The following COL7A1 variants were observed in gnomAD, a reference collection of about 807,000 sequenced individuals.
COL7A1 encodes the protein collagen type VII alpha 1 chain.
In COL7A1, 296 loss-of-function variants were observed where a neutral mutation model predicts 456.2. The ratio of observed to expected loss-of-function variants is 0.65; its 90% confidence interval spans 0.59 to 0.71. The LOEUF is 0.71. Among genes scored for constraint, COL7A1 ranks in the 30% least tolerant of loss-of-function variants. The pLI is 0.00. For synonymous variants in COL7A1, 1,464 were observed against 1,525.9 expected, an observed-to-expected ratio of 0.96 and a Z score of 0.95; for missense variants, 3,441 against 4,017.2, an observed-to-expected ratio of 0.86 and a Z score of 3.88.
chr3:48,575,528 G>A lies in COL7A1; in HGVS notation c.5991C>T (p.Gly1997=). The change falls in exon 74 of 119, where the codon GGC becomes GGT. Residue 1997 remains glycine (G), a synonymous_variant. Coordinates refer to ENST00000681320, the MANE Select transcript of COL7A1 (RefSeq NM_000094.4). The surrounding 1 kb of genome is among the most constrained non-coding windows in gnomAD (Gnocchi z 6.3). ...CCTTCAGCCCGCGTTCTCCAGGAAA[G>A]CCGATGGGGCCCTGCAGGAGTGGAA... ...QGPPGKEGPI[G]FPGERGLKGD... The A allele has an allele frequency of 6.2e-7, 1 of 1,612,810 alleles. No homozygotes were observed. Among genetic ancestry groups the A allele is most frequent in the Non-Finnish European group, 8.5e-7 (1 of 1,179,980 alleles).
At position 48,568,345 on chromosome 3, in the gene COL7A1, G is replaced by A. The variant is rs941708488; in HGVS notation, c.7794+154C>T. 2.1e-5 allele frequency: 22 copies of A among 1,037,378 alleles called. No homozygotes were observed. In the Middle Eastern group the frequency reaches 8.2e-4, roughly 39 times the overall value. The allele number at this position is 1,037,378 out of a possible 1,614,324, so 64.3% of individuals were successfully genotyped here. ...ATAGGCAGGGGACACCATCATAGGC[G>A]GCTACTGTGGAGGTGGGGGACCCTG... On this transcript the variant is annotated intron_variant, in intron 105 of 118. Transcript: ENST00000681320. The surrounding 1 kb of genome is among the most constrained non-coding windows in gnomAD (Gnocchi z 5.2).
rs1158285823 is a variant in COL7A1 at position 48,580,701 on chromosome 3, T to C, written c.4981-49A>G. On this transcript the variant is annotated intron_variant, in intron 54 of 118. Transcript: ENST00000681320. This position sits in a 1 kb window ranked among gnomAD's most constrained non-coding sequence, Gnocchi z 4.5. Reference sequence around the variant, plus strand: ...ACAGACCCTCCCAATATTTTGCAGGTGCCCCTATGACCCGCTACACTGCCC... The same window carrying C: ...ACAGACCCTCCCAATATTTTGCAGGCGCCCCTATGACCCGCTACACTGCCC... The C allele has an allele frequency of 1.2e-6, 2 of 1,603,690 alleles. No homozygotes were observed. Among genetic ancestry groups the C allele is most frequent in the Non-Finnish European group, 1.7e-6 (2 of 1,171,494 alleles).
At position 48,579,640 on chromosome 3, in the gene COL7A1, C is replaced by T; in HGVS notation, c.5183G>A (p.Gly1728Asp). 1 of 1,613,620 alleles carries T rather than the reference C, an allele frequency of 6.2e-7. No individual in the cohort carries two copies. The highest frequency in any genetic ancestry group is 8.5e-7 in the Non-Finnish European group (1 of 1,179,978). The change falls in exon 59 of 119, where the codon GGT (glycine) becomes GAT (aspartate). Residue 1728 changes from glycine (G) to aspartate (D), a missense_variant. Physicochemically the swap from Gly to Asp is moderately conservative, Grantham distance 94. Around this residue, in one of 3 missense-constraint regions of COL7A1, gnomAD observed 2,084 missense variants for 2,501.3 expected, o/e 0.83. Coordinates refer to ENST00000681320, the MANE Select transcript of COL7A1 (RefSeq NM_000094.4). This position sits in a 1 kb window ranked among gnomAD's most constrained non-coding sequence, Gnocchi z 4.4. ...AGGATCACCCTTGGGCCCTCGAGGA[C>T]CCTCTTGTCCGCGGTCCCCAGGCTC... ...KGEPGDRGQE[G>D]PRGPKGDPGL...
In COL7A1 at chr3:48,575,259, G is replaced by C. The variant is rs200484047; in HGVS notation, c.6181-17C>G. 19 of 1,613,886 alleles carry C rather than the reference G, an allele frequency of 1.2e-5. No homozygotes were observed. In the East Asian group the frequency reaches 4.2e-4, roughly 36 times the overall value. ...CCGTTCTCCCTGAAATGCAAATAGC[G>C]GGTGAGGGCCAAGCCCATGGGGGGT... On this transcript the variant is annotated splice_polypyrimidine_tract_variant and intron_variant, in intron 74 of 118. Transcript: ENST00000681320. The surrounding 1 kb of genome is among the most constrained non-coding windows in gnomAD (Gnocchi z 6.3).
In COL7A1 at chr3:48,592,151, G is replaced by T. The variant is rs143270071; in HGVS notation, c.1191C>A (p.Thr397=). 2.5e-6 allele frequency: 4 copies of T among 1,613,972 alleles called. No homozygotes were observed. The African/African-American group carries it at 5.3e-5, about 22-fold the overall frequency. The part of the protein sequence containing the change: ...PGTDYEVTVS[T]LFGRSVGPAT... ...CGGGCCCCACACTGCGGCCAAATAG[G>T]GTGCTCACGGTCACCTCATAGTCCG... is the stretch of plus-strand genomic sequence containing the variant. The change falls in exon 10 of 119, where the codon ACC becomes ACA. Residue 397 remains threonine (T), a synonymous_variant. Coordinates refer to ENST00000681320, the MANE Select transcript of COL7A1 (RefSeq NM_000094.4). The surrounding 1 kb of genome is among the most constrained non-coding windows in gnomAD (Gnocchi z 7.6).
At position 48,583,559 on chromosome 3, in the gene COL7A1, C is replaced by T. The variant is rs762257078; in HGVS notation, c.4398G>A (p.Glu1466=). The change falls in exon 41 of 119, where the codon GAG becomes GAA. Residue 1466 remains glutamate, a synonymous_variant. Transcript: ENST00000681320. This position sits in a 1 kb window ranked among gnomAD's most constrained non-coding sequence, Gnocchi z 5.1. ...GLPGQPGSPG[E]QGPRGPPGAI... ...AATCCCTGGCCCCTCCACTCACCTG[C>T]TCACCCGGAGACCCAGGTTGTCCTG... The T allele has an allele frequency of 8.7e-6, 14 of 1,614,084 alleles. No homozygotes were observed. The South Asian group carries it at 1.5e-4, about 18-fold the overall frequency.
At position 48,584,496 on chromosome 3, in the gene COL7A1, G is replaced by T; in HGVS notation, c.4108C>A (p.Pro1370Thr). ...GPGLPGRKGD[P>T]GPSGPPGPRG... ...TACCCTGCACTTACCGATGGTCCAG[G>T]GTCCCCTTTCCGCCCAGGAAGCCCA... The change falls in exon 36 of 119, where the codon CCT becomes ACT. Residue 1370 changes from proline (P) to threonine (T), a missense_variant. Transcript: ENST00000681320. 6.2e-7 allele frequency: 1 copy of T among 1,613,974 alleles called. No homozygotes were observed. Among genetic ancestry groups the T allele is most frequent in the Non-Finnish European group, 8.5e-7 (1 of 1,179,984 alleles).
chr3:48,565,007 G>C lies in COL7A1; in HGVS notation c.8621-27C>G. On this transcript the variant is annotated intron_variant, in intron 117 of 118. Transcript: ENST00000681320. The surrounding 1 kb of genome is among the most constrained non-coding windows in gnomAD (Gnocchi z 4.5). ...TGGGCCAATGGGGTCAAGTCAGCAG[G>C]GTTTGTGGGAATCAGAGAGGGTTGA... 1 of 1,614,010 alleles carries C rather than the reference G, an allele frequency of 6.2e-7. No individual in the cohort carries two copies. The highest frequency in any genetic ancestry group is 2.2e-5 in the East Asian group (1 of 44,876).
In COL7A1 at chr3:48,567,342, A is replaced by G; in HGVS notation, c.8047-152T>C. 1 of 1,017,986 alleles carries G rather than the reference A, an allele frequency of 9.8e-7. No homozygotes were observed. The highest frequency in any genetic ancestry group is 1.3e-5 in the South Asian group (1 of 74,738). The allele number at this position is 1,017,986 out of a possible 1,614,324, so 63.1% of individuals were successfully genotyped here. On this transcript the variant is annotated intron_variant, in intron 109 of 118. Transcript: ENST00000681320. This position sits in a 1 kb window ranked among gnomAD's most constrained non-coding sequence, Gnocchi z 4.3. ...ACCAGATGTGATCCCCATGACTCCA[A>G]CTCCACTATAGCCCCCTGCCCTGAT... is the stretch of plus-strand genomic sequence containing the variant.
rs2044252056 is a variant in COL7A1, at chr3:48,575,706, A to G, written c.5899T>C (p.Ser1967Pro). The part of the protein sequence containing the change: ...REIVETWDES[S>P]GSFLPVPERR... Reference sequence around the variant, plus strand: ...TCGGGCACAGGCAGGAAGCTACCAGAGCTCTCATCCCAGGTCTCCACGATC... The same window carrying G: ...TCGGGCACAGGCAGGAAGCTACCAGGGCTCTCATCCCAGGTCTCCACGATC... Residue 1967 changes from serine (S) to proline (P), a missense_variant, in exon 73 of 119, where the codon TCT becomes CCT. This residue lies in a region of COL7A1 where 2,084 missense variants were observed against 2,501.3 expected (regional missense o/e 0.83). Transcript: ENST00000681320. The surrounding 1 kb of genome is among the most constrained non-coding windows in gnomAD (Gnocchi z 6.3). 2 of 1,613,612 alleles carry G rather than the reference A, an allele frequency of 1.2e-6. No homozygotes were observed.
chr3:48,589,107 CT>C, intron 18 of COL7A1, 112 bp from the exon 19 acceptor site: 1 of 1,574,722 alleles, frequency 6.4e-7, no homozygotes, highest in Non-Finnish European at 8.7e-7. Flanking sequence ...GGACAGGTCA[CT>C]TTAGGCAGCC....
chr3:48,585,073 G>T lies in COL7A1; in HGVS notation c.3938C>A (p.Ala1313Asp). 2 of 1,612,428 alleles carry T rather than the reference G, an allele frequency of 1.2e-6. No individual in the cohort carries two copies. The highest frequency in any genetic ancestry group is 1.7e-6 in the Non-Finnish European group (2 of 1,179,884). ...ADGRPGSPGR[A>D]GNPGTPGAPG... ...GGCTCCAGGGGTCCCAGGATTCCCG[G>T]CGCGGCCAGGGCTGCCTGGACGCCC... Residue 1313 changes from alanine (A) to aspartate (D), a missense_variant, in exon 33 of 119, where the codon GCC becomes GAC. Coordinates refer to ENST00000681320, the MANE Select transcript of COL7A1 (RefSeq NM_000094.4). This position sits in a 1 kb window ranked among gnomAD's most constrained non-coding sequence, Gnocchi z 4.5.
rs1174345211 is a variant in COL7A1, at chr3:48,590,619, C to A, written c.1781-35G>T. The A allele has an allele frequency of 2.5e-6, 4 of 1,613,924 alleles. No homozygotes were observed. The highest frequency in any genetic ancestry group is 3.4e-6 in the Non-Finnish European group (4 of 1,180,036). On this transcript the variant is annotated intron_variant, in intron 14 of 118. Coordinates refer to ENST00000681320, the MANE Select transcript of COL7A1 (RefSeq NM_000094.4). This position sits in a 1 kb window ranked among gnomAD's most constrained non-coding sequence, Gnocchi z 4.6. ...ACAGACAGAAGTCAGAAGTCAGAAC[C>A]AGGACCAGAGTGAGGCAGGCAGCTG...
rs1254531609 is a variant in COL7A1 at position 48,586,803 on chromosome 3, G to A, written c.3277-114C>T. 8.6e-6 allele frequency: 13 copies of A among 1,505,592 alleles called. No homozygotes were observed. Among genetic ancestry groups the A allele is most frequent in the African/African-American group, 1.4e-5 (1 of 72,196 alleles). The allele number at this position is 1,505,592 out of a possible 1,614,324, so 93.3% of individuals were successfully genotyped here. Reference sequence around the variant, plus strand: ...GTGACCAAACCCTATCTATTAGGGAGTCAGCAGTGATGGCAGGATAGGGAG... The same window carrying A: ...GTGACCAAACCCTATCTATTAGGGAATCAGCAGTGATGGCAGGATAGGGAG... On this transcript the variant is annotated intron_variant, in intron 25 of 118. Transcript: ENST00000681320. This position sits in a 1 kb window ranked among gnomAD's most constrained non-coding sequence, Gnocchi z 5.1.
rs2043729826 is a variant in COL7A1 at position 48,568,671 on chromosome 3, G to A, written c.7758+113C>T. On this transcript the variant is annotated intron_variant, in intron 104 of 118. Coordinates refer to ENST00000681320, the MANE Select transcript of COL7A1 (RefSeq NM_000094.4). This position sits in a 1 kb window ranked among gnomAD's most constrained non-coding sequence, Gnocchi z 5.2. ...CAGATCCCGGGTGAACACACATGGG[G>A]CCGGCAGCAAGGGAGCCAGAACCCC... The A allele has an allele frequency of 8.8e-6, 13 of 1,470,582 alleles. No individual in the cohort carries two copies. Among genetic ancestry groups the A allele is most frequent in the South Asian group, 1.2e-5 (1 of 82,140 alleles). 91.1% of individuals were successfully genotyped at this position (1,470,582 alleles called of 1,614,324 possible).
rs2043809635 is a variant in COL7A1, at chr3:48,570,017, C to T, written c.7486-102G>A. ...AACAGTGGGGACCAGACAAAGGGGACAGGGGTAGACGAGGAGGGCCAGAGG... is the reference window on the plus strand; with the variant it reads ...AACAGTGGGGACCAGACAAAGGGGATAGGGGTAGACGAGGAGGGCCAGAGG... On this transcript the variant is annotated intron_variant, in intron 99 of 118. Coordinates refer to ENST00000681320, the MANE Select transcript of COL7A1 (RefSeq NM_000094.4). The surrounding 1 kb of genome is among the most constrained non-coding windows in gnomAD (Gnocchi z 5.5). 2 of 1,595,170 alleles carry T rather than the reference C, an allele frequency of 1.3e-6. No homozygotes were observed. The highest frequency in any genetic ancestry group is 1.7e-6 in the Non-Finnish European group (2 of 1,164,408).
chr3:48,587,602 C>A lies in COL7A1; in HGVS notation c.2858-48G>T, dbSNP rs760512889. 2 of 1,612,836 alleles carry A rather than the reference C, an allele frequency of 1.2e-6. No individual in the cohort carries two copies. Among genetic ancestry groups the A allele is most frequent in the Admixed American group, 3.3e-5 (2 of 59,996 alleles). Reference sequence around the variant, plus strand: ...AGGATCAGAGGCTGAGTCCTGAGAACCCAGAAGGGAGAGATCTGAGATCCT... The same window carrying A: ...AGGATCAGAGGCTGAGTCCTGAGAAACCAGAAGGGAGAGATCTGAGATCCT... On this transcript the variant is annotated intron_variant, in intron 22 of 118. Transcript: ENST00000681320. The surrounding 1 kb of genome is among the most constrained non-coding windows in gnomAD (Gnocchi z 6.1).
Position 48,579,527 on chromosome 3 carries a change from G to A in COL7A1, c.5236-12C>T, listed in dbSNP as rs763189035. 11 of 1,613,954 alleles carry A rather than the reference G, an allele frequency of 6.8e-6. No individual in the cohort carries two copies. The Admixed American group carries it at 8.3e-5, about 12-fold the overall frequency. Reference sequence around the variant, plus strand: ...AACCCTTCAATGCCCTGAGGATAGGGGAGGAAGAAATCAGAGCAGGCCCTC... The same window carrying A: ...AACCCTTCAATGCCCTGAGGATAGGAGAGGAAGAAATCAGAGCAGGCCCTC... On this transcript the variant is annotated splice_polypyrimidine_tract_variant and intron_variant, in intron 59 of 118. Transcript: ENST00000681320. The surrounding 1 kb of genome is among the most constrained non-coding windows in gnomAD (Gnocchi z 4.4).
At position 48,566,650 on chromosome 3, in the gene COL7A1, C is replaced by T. The variant is rs1222351299; in HGVS notation, c.8304+10G>A. ...CGATCTCTGACCCAAGCCTTGGAAT[C>T]CCTACTCACCTGCTCCCCTCTCTCG... On this transcript the variant is annotated intron_variant, in intron 112 of 118. Transcript: ENST00000681320. The surrounding 1 kb of genome is among the most constrained non-coding windows in gnomAD (Gnocchi z 5.9). 6.2e-7 allele frequency: 1 copy of T among 1,614,060 alleles called. No individual in the cohort carries two copies. Among genetic ancestry groups the T allele is most frequent in the Non-Finnish European group, 8.5e-7 (1 of 1,180,030 alleles).
Sources: gnomAD v4.1 joint callset for allele counts on GRCh38, gnomAD v4.1.1 for gene constraint, gnomAD v4.1.1 regional missense constraint, Gnocchi (gnomAD v3.1) non-coding constraint, MANE v1.5 for transcripts, NCBI Gene and HGNC (gene_info 2026-07-23, HGNC 2026-07-21) for gene names.